The following SEC24D variants were observed in gnomAD, a reference collection of about 807,000 sequenced individuals.
SEC24D encodes SEC24 homolog D, COPII component, also known as protein transport protein Sec24D.
In SEC24D, 69 loss-of-function variants were observed where a neutral mutation model predicts 116.9. The ratio of observed to expected loss-of-function variants is 0.59; its 90% CI spans 0.49 to 0.72. The LOEUF (loss-of-function observed/expected upper bound fraction) is 0.72, where lower values mean the gene tolerates loss of function less well. SEC24D is among the 30% of genes least tolerant of loss of function. The pLI, the probability that SEC24D is intolerant of heterozygous loss-of-function variation, is 0.00. For synonymous variants in SEC24D, 405 were observed against 442.8 expected (o/e 0.91, Z 1.07); for missense variants, 1,131 against 1,264.1 (o/e 0.89, Z 1.60).
At chr4:118,784,188 A>C (rs1231817253) in intron 8 of SEC24D, among the ~76,000 whole-genome samples, 2 of 152,250 alleles carry the variant, frequency 1.3e-5, no homozygotes, top group East Asian at 3.8e-4. Context: ...GAAAACAGGA[A>C]TTTAAAAAGT....
At chr4:118,792,259 C>A (rs1223272481) in intron 8 of SEC24D, among the ~76,000 whole-genome samples, 6 of 151,108 alleles carry the variant, frequency 4.0e-5, no homozygotes, top group East Asian at 2.0e-4. Context: ...GCAGCCGCCC[C>A]GTCCGGGAGG....
chr4:118,789,946 A>G (rs1728824008), intron 8 of SEC24D, among the ~76,000 whole-genome samples: 1 of 152,162 alleles, frequency 6.6e-6, no homozygotes, highest in Admixed American at 6.5e-5. Context: ...TTCAGGTAAA[A>G]TTTTCCCAGA....
intron 6 of SEC24D, among the ~76,000 whole-genome samples, 168 bp downstream of exon 6, chr4:118,814,856 AGCAT>A (rs1730069303): frequency 6.6e-6 from 1 of 152,206 alleles, no homozygotes; most frequent in Non-Finnish European, 1.5e-5. Flanking sequence ...CCATAACCCT[AGCAT>A]GCTTTCCCCC....
chr4:118,740,581 T>C lies in SEC24D; in HGVS notation c.2238+82A>G, dbSNP rs189283455. Reference sequence around the variant, plus strand: ...ATTTTTTTATGAAGAGACTAACACATTTGATGGTATTTCAGTCTCCCCACT... The same window carrying C: ...ATTTTTTTATGAAGAGACTAACACACTTGATGGTATTTCAGTCTCCCCACT... On this transcript the variant is annotated intron_variant, in intron 17 of 22. Transcript: ENST00000280551. 6.6e-5 allele frequency: 96 copies of C among 1,443,886 alleles called. No individual in the cohort carries two copies. In the African/African-American group the frequency reaches 1.2e-3, roughly 17 times the overall value. 89.4% of individuals were successfully genotyped at this position (1,443,886 alleles called of 1,614,324 possible).
chr4:118,806,220 C>A (rs768820746), intron 6 of SEC24D, among the ~76,000 whole-genome samples: 1 of 152,218 alleles, frequency 6.6e-6, no homozygotes, highest in Non-Finnish European at 1.5e-5. Flanking sequence ...GTTTCCAATT[C>A]TATTTTGTAA....
chr4:118,798,846 C>T (rs376345724), intron 7 of SEC24D, among the ~76,000 whole-genome samples: 19 of 152,170 alleles, frequency 1.2e-4, no homozygotes, highest in African/African-American at 3.1e-4. Context: ...AGGACATGCC[C>T]GGAGTAGTGA....
At chr4:118,760,928 AGGTT>A (rs950067610) in intron 10 of SEC24D, among the ~76,000 whole-genome samples, 2 of 151,534 alleles carry the variant, frequency 1.3e-5, no homozygotes, top group Non-Finnish European at 2.9e-5. Flanking sequence ...TATGTTGGCC[AGGTT>A]GGTCTCAAAC....
rs1730118295 is a variant in SEC24D, at chr4:118,815,740, G to A, written c.398-14C>T. The stretch of plus-strand genomic sequence containing the variant: ...CCATGCCTGAACCTGTGTGAGAAAG[G>A]AGACCAGCCCACTTAAATACCACAT... On this transcript the variant is annotated splice_polypyrimidine_tract_variant and intron_variant, in intron 4 of 22. Coordinates refer to ENST00000280551, the MANE Select transcript of SEC24D (RefSeq NM_014822.4). 6.2e-7 allele frequency: 1 copy of A among 1,612,302 alleles called. No individual in the cohort carries two copies. The highest frequency in any genetic ancestry group is 1.3e-5 in the African/African-American group (1 of 74,854).
chr4:118,751,176 CTTTTTTTTTTT>C (rs1185148886), intron 13 of SEC24D, among the ~76,000 whole-genome samples: 3 of 100,326 alleles, frequency 3.0e-5, no homozygotes, highest in Non-Finnish European at 6.0e-5. Context: ...AGAGTGAGGG[CTTTTTTTTTTT>C]TTTTTTTTGA....
At chr4:118,762,355 T>C (rs1727427847) in intron 10 of SEC24D, among the ~76,000 whole-genome samples, 2 of 152,296 alleles carry the variant, frequency 1.3e-5, no homozygotes, top group South Asian at 4.1e-4. Flanking sequence ...TCTGGATGTA[T>C]GGCCTGAAGC....
chr4:118,789,641 G>A (rs193174120), intron 8 of SEC24D, among the ~76,000 whole-genome samples: 36 of 152,360 alleles, frequency 2.4e-4, no homozygotes, highest in Non-Finnish European at 4.6e-4. Context: ...CTAGAGCGCA[G>A]TGGCGCAACC....
In SEC24D at chr4:118,731,415, A is replaced by G. The variant is rs1324068162; in HGVS notation, c.2769T>C (p.Asn923=). 1 of 1,614,104 alleles carries G rather than the reference A, an allele frequency of 6.2e-7. No homozygotes were observed. Among genetic ancestry groups the G allele is most frequent in the Non-Finnish European group, 8.5e-7 (1 of 1,179,944 alleles). Residue 923 remains asparagine, a synonymous_variant, in exon 21 of 23, where the codon AAT becomes AAC. Coordinates refer to ENST00000280551, the MANE Select transcript of SEC24D (RefSeq NM_014822.4). ...CCAACCACAGGAACATGTGTAGACC[A>G]TTAGCCAGTAAGAATATTCCTTCTT... is the stretch of plus-strand genomic sequence containing the variant. ...LSEEGIFLLA[N]GLHMFLWLGV... is the part of the protein sequence containing the mutation.
intron 3 of SEC24D, among the ~76,000 whole-genome samples, chr4:118,819,045 A>C (rs928694242): frequency 6.6e-6 from 1 of 152,198 alleles, no homozygotes; most frequent in Non-Finnish European, 1.5e-5. Context: ...TTATATCTCT[A>C]ATCAATTAAT....
At chr4:118,740,330 T>C (rs998007252) in intron 17 of SEC24D, among the ~76,000 whole-genome samples, 3 of 152,260 alleles carry the variant, frequency 2.0e-5, no homozygotes, top group African/African-American at 7.2e-5. Context: ...CCCTAGCAAA[T>C]TAATATTCAT....
chr4:118,791,197 T>G (rs1340992653), intron 8 of SEC24D, among the ~76,000 whole-genome samples: 1 of 152,082 alleles, frequency 6.6e-6, no homozygotes, highest in African/African-American at 2.4e-5. Context: ...GGTGCAGAGA[T>G]CAGAAGTTCA....
At chr4:118,780,936 T>A in intron 8 of SEC24D, among the ~76,000 whole-genome samples, 1 of 148,364 alleles carries the variant, frequency 6.7e-6, no homozygotes, top group South Asian at 2.2e-4. Context: ...TTTTTTTGCT[T>A]TCCATTTGCT....
At chr4:118,746,172 TCAAA>T (rs1292805659) in intron 13 of SEC24D, among the ~76,000 whole-genome samples, 2 of 121,224 alleles carry the variant, frequency 1.6e-5, no homozygotes, top group Admixed American at 2.2e-4. Flanking sequence ...AGATCCTGTC[TCAAA>T]CAAAGGAAGA....
Position 118,743,846 on chromosome 4 carries a change from C to T in SEC24D, c.1995+142G>A, listed in dbSNP as rs1247858293. The T allele has an allele frequency of 2.5e-5, 18 of 717,404 alleles. No individual in the cohort carries two copies. The South Asian group carries it at 2.6e-4, about 10-fold the overall frequency. 44.4% of individuals were successfully genotyped at this position (717,404 alleles called of 1,614,324 possible). On this transcript the variant is annotated intron_variant, in intron 15 of 22. Coordinates refer to ENST00000280551, the MANE Select transcript of SEC24D (RefSeq NM_014822.4). ...GAACTCTCCTTATAAAAAGGACCAA[C>T]GGTATACTTTGTTTTCCATCTGCTC...
intron 8 of SEC24D, among the ~76,000 whole-genome samples, chr4:118,783,608 G>GT (rs1728529467): frequency 1.3e-5 from 2 of 152,158 alleles, no homozygotes; most frequent in Non-Finnish European, 2.9e-5. Context: ...AATGGTCATA[G>GT]TTTATAAATT....
Sources: allele counts gnomAD v4.1 joint callset (sites outside exome capture counted in the v4.1 genomes callset), GRCh38; gene constraint gnomAD v4.1.1; transcripts MANE v1.5; gene names NCBI Gene and HGNC (gene_info 2026-07-23, HGNC 2026-07-21).